Variants in GAP43 observed in about 807,000 individuals in gnomAD.
GAP43 encodes the protein neuromodulin.
In GAP43, 6 loss-of-function variants were observed where a neutral mutation model predicts 18.6. The observed-to-expected ratio is 0.32, with a 90% CI of 0.18 to 0.64. The LOEUF (loss-of-function observed/expected upper bound fraction) is 0.64. Ranked by LOEUF, GAP43 falls within the 30% of genes least tolerant of loss-of-function variation. The pLI is 0.78. For synonymous variants in GAP43, 115 were observed against 111.4 expected, an observed-to-expected ratio of 1.03 and a Z score of -0.20; for missense variants, 292 against 295.5, an observed-to-expected ratio of 0.99 and a Z score of 0.09.
Position 115,676,402 on chromosome 3 carries a change from A to G in GAP43, c.420A>G (p.Thr140=). 6.2e-7 allele frequency: 1 copy of G among 1,613,942 alleles called. No individual in the cohort carries two copies. The highest frequency in any genetic ancestry group is 8.5e-7 in the Non-Finnish European group (1 of 1,179,862). Residue 140 remains threonine, a synonymous_variant, in exon 2 of 3, where the codon ACA becomes ACG. Transcript: ENST00000305124. ...SSEEKAGSAE[T]ESATKASTDN... is the part of the protein sequence containing the mutation. ...AGGAGAAGGCCGGCTCAGCTGAGACAGAAAGTGCCACTAAAGCTTCCACTG... is the reference window on the plus strand; with the variant it reads ...AGGAGAAGGCCGGCTCAGCTGAGACGGAAAGTGCCACTAAAGCTTCCACTG...
At chr3:115,646,848 A>C (rs1708463967) in intron 1 of GAP43, among the ~76,000 whole-genome samples, 1 of 151,986 alleles carries the variant, frequency 6.6e-6, no homozygotes, top group East Asian at 1.9e-4. Flanking sequence ...TTCTCACTTC[A>C]CTTTATATAT....
chr3:115,666,448 G>A (rs929687976), intron 1 of GAP43, among the ~76,000 whole-genome samples: 4 of 152,084 alleles, frequency 2.6e-5, no homozygotes, highest in Non-Finnish European at 5.9e-5. Context: ...TTATCAACAT[G>A]CCTTAACTTA....
chr3:115,707,554 G>C (rs370022707), intron 2 of GAP43, among the ~76,000 whole-genome samples: 1 of 152,130 alleles, frequency 6.6e-6, no homozygotes, highest in African/African-American at 2.4e-5. Flanking sequence ...GCCTCCCAAA[G>C]TGCTGAGATT....
Position 115,720,896 on chromosome 3 carries a change from G to T in GAP43, c.*14G>T. ...GAACATGCCTGAACTCTAAGAAATG[G>T]CTTTCCACATCCCCACCCTCCCCTC... On this transcript the variant is annotated 3_prime_UTR_variant, in exon 3 of 3. Coordinates refer to ENST00000305124, the MANE Select transcript of GAP43 (RefSeq NM_002045.4). 6.3e-7 allele frequency: 1 copy of T among 1,584,726 alleles called. No homozygotes were observed.
Position 115,702,941 on chromosome 3 carries a change from GA to G in GAP43, c.629-17851del, listed in dbSNP as rs558655364. ...AAAGAGTTGACGCAAGTCATATGGA[GA>G]AGAGTGTTCTTCAAGGTTAGCCATT... On this transcript the variant is annotated intron_variant, in intron 2 of 2. Transcript: ENST00000305124. Among the ~76,000 whole-genome samples the G allele has an allele frequency of 4.5e-3, 692 of 152,210 alleles. 5 individuals are homozygous for G. Among genetic ancestry groups the G allele is most frequent in the African/African-American group, 0.016 (664 of 41,554 alleles).
chr3:115,643,004 T>C (rs1393209832), intron 1 of GAP43, among the ~76,000 whole-genome samples: 1 of 152,076 alleles, frequency 6.6e-6, no homozygotes, highest in Non-Finnish European at 1.5e-5. Flanking sequence ...GCATGTCCTA[T>C]GCTCTCAACA....
chr3:115,698,147 ATTATATAT>A (rs1709235358), intron 2 of GAP43, among the ~76,000 whole-genome samples: 1 of 9,698 alleles, frequency 1.0e-4, no homozygotes, highest in African/African-American at 2.3e-4. Context: ...TATAATATAT[ATTATATAT>A]AATATATAAA....
intron 1 of GAP43, among the ~76,000 whole-genome samples, chr3:115,666,488 GA>G (rs1708735902): frequency 6.6e-6 from 1 of 152,164 alleles, no homozygotes; most frequent in Non-Finnish European, 1.5e-5. Flanking sequence ...ATTACTCTGA[GA>G]GAATAATGGT....
intron 1 of GAP43, among the ~76,000 whole-genome samples, chr3:115,661,772 G>A (rs1009371641): frequency 3.4e-5 from 5 of 147,008 alleles, no homozygotes; most frequent in African/African-American, 1.3e-4. Context: ...ACAGGTGTGA[G>A]CCACCGCACC....
chr3:115,714,730 C>T (rs375281446), intron 2 of GAP43, among the ~76,000 whole-genome samples: 51 of 150,460 alleles, frequency 3.4e-4, no homozygotes, highest in African/African-American at 1.0e-3. Context: ...TAGACACATT[C>T]GGTTTTATAA....
chr3:115,717,043 G>T (rs166891), intron 2 of GAP43, among the ~76,000 whole-genome samples: 6,699 of 151,792 alleles, frequency 0.044, 482 homozygotes, highest in African/African-American at 0.15. Context: ...GCTCTGGCTT[G>T]GTCATAAGCA....
chr3:115,655,052 T>C (rs1259175100), intron 1 of GAP43, among the ~76,000 whole-genome samples: 1 of 152,290 alleles, frequency 6.6e-6, no homozygotes, highest in East Asian at 1.9e-4. Flanking sequence ...AATAAATCTT[T>C]GATTATAAAG....
intron 1 of GAP43, among the ~76,000 whole-genome samples, chr3:115,672,048 C>G (rs10511347): frequency 0.69 from 105,435 of 152,114 alleles, 36,890 homozygotes; most frequent in East Asian, 0.86. Flanking sequence ...GTGAATAAAT[C>G]AACGAGAATG....
rs143620413 is a variant in GAP43, at chr3:115,637,114, A to G, written c.30+13395A>G. ...CTCATTTGTGAGGGCTTTCCTGACT[A>G]ACACAGTTCTCCATGACCTGTTTTG... On this transcript the variant is annotated intron_variant, in intron 1 of 2. Transcript: ENST00000305124. Among the ~76,000 whole-genome samples, 614 of 152,172 alleles carry G rather than the reference A, an allele frequency of 4.0e-3. 2 individuals are homozygous for G. Among genetic ancestry groups the G allele is most frequent in the African/African-American group, 0.014 (581 of 41,538 alleles).
chr3:115,650,202 G>C (rs931165513), intron 1 of GAP43, among the ~76,000 whole-genome samples: 9 of 152,058 alleles, frequency 5.9e-5, no homozygotes, highest in Admixed American at 5.9e-4. Context: ...CTCATCCTGT[G>C]GTTATTTTTC....
At chr3:115,650,993 A>G (rs1460960317) in intron 1 of GAP43, among the ~76,000 whole-genome samples, 1 of 152,066 alleles carries the variant, frequency 6.6e-6, no homozygotes, top group Non-Finnish European at 1.5e-5. Flanking sequence ...TTAGCTGGGC[A>G]TTGTGGCATG....
At chr3:115,651,566 CT>C (rs992763128) in intron 1 of GAP43, among the ~76,000 whole-genome samples, 1 of 152,122 alleles carries the variant, frequency 6.6e-6, no homozygotes, top group Non-Finnish European at 1.5e-5. Context: ...CTATATTTTT[CT>C]TTTCTCTTGC....
intron 2 of GAP43, among the ~76,000 whole-genome samples, chr3:115,698,123 TTATATATAA>T (rs1258825930): frequency 1.0e-4 from 1 of 10,044 alleles, no homozygotes; most frequent in African/African-American, 1.5e-4. Flanking sequence ...ATAATATATA[TTATATATAA>T]TATATATAAT....
chr3:115,698,205 T>A (rs1171667246), intron 2 of GAP43, among the ~76,000 whole-genome samples: 4 of 5,488 alleles, frequency 7.3e-4, no homozygotes, highest in East Asian at 0.019. Context: ...ATATTATATA[T>A]TATATAAAAT....
Sources: gnomAD v4.1 joint callset for allele counts (sites outside exome capture counted in the v4.1 genomes callset) on GRCh38, gnomAD v4.1.1 for gene constraint, MANE v1.5 for transcripts, NCBI Gene and HGNC (gene_info 2026-07-23, HGNC 2026-07-21) for gene names.